Variants in NASP observed in about 807,000 individuals in gnomAD.
The protein encoded by NASP is NASP histone chaperone.
In NASP, 24 loss-of-function variants were observed where a neutral mutation model predicts 89.5. The observed-to-expected ratio is 0.27, with a 90% confidence interval of 0.19 to 0.38. NASP has a LOEUF of 0.38. Ranked by LOEUF, NASP falls within the 10% of genes least tolerant of loss-of-function variation. NASP has a pLI of 1.00. For synonymous variants in NASP, 306 were observed against 324.7 expected, an observed-to-expected ratio of 0.94 and a Z score of 0.62; for missense variants, 848 against 921.4, an observed-to-expected ratio of 0.92 and a Z score of 1.03.
intron 3 of NASP, among the ~76,000 whole-genome samples, chr1:45,604,044 C>G (rs906326921): frequency 1.1e-4 from 16 of 152,116 alleles, no homozygotes; most frequent in Non-Finnish European, 1.8e-4. Context: ...TTCCCACTTT[C>G]CTGCCATTAA....
rs912606549 is a variant in NASP, at chr1:45,608,341, A to G, written c.1426+4A>G. The G allele has an allele frequency of 1.7e-5, 27 of 1,598,418 alleles. No individual in the cohort carries two copies. The highest frequency in any genetic ancestry group is 2.3e-5 in the Non-Finnish European group (27 of 1,171,998). On this transcript the variant is annotated splice_donor_region_variant and intron_variant, in intron 6 of 14. Transcript: ENST00000350030. ...GAACAGATGAAAGAGGGTGAAGGTA[A>G]CCGGGATATGCAAGAGCTGCAGTGG...
At position 45,584,142 on chromosome 1, in the gene NASP, G is replaced by T. The variant is rs749304746; in HGVS notation, c.-5G>T. 2 of 1,592,080 alleles carry T rather than the reference G, an allele frequency of 1.3e-6. No individual in the cohort carries two copies. The highest frequency in any genetic ancestry group is 1.3e-5 in the African/African-American group (1 of 74,754). The stretch of plus-strand genomic sequence containing the variant: ...CGTTCGCTGGTTCGCCACCTCAGGG[G>T]AACGATGGCCATGGAGTCCACAGCC... On this transcript the variant is annotated 5_prime_UTR_variant, in exon 1 of 15. Coordinates refer to ENST00000350030, the MANE Select transcript of NASP (RefSeq NM_002482.4).
chr1:45,593,615 A>G (rs1172148843), intron 2 of NASP, among the ~76,000 whole-genome samples: 1 of 151,212 alleles, frequency 6.6e-6, no homozygotes, highest in African/African-American at 2.4e-5. Flanking sequence ...CTTCAGCTTC[A>G]AAGAACATGT....
At chr1:45,590,210 C>T (rs1283409107) in intron 1 of NASP, among the ~76,000 whole-genome samples, 1 of 152,088 alleles carries the variant, frequency 6.6e-6, no homozygotes, top group Non-Finnish European at 1.5e-5. Flanking sequence ...TTAGTTCACC[C>T]TCTTTTCTAT....
At chr1:45,611,939 C>CA (rs2148367555) in intron 6 of NASP, 1 of 147,626 alleles carries the variant, frequency 6.8e-6, no homozygotes, top group East Asian at 2.0e-4. Context: ...CCGCTCACTG[C>CA]AAGCTCCACC....
chr1:45,599,330 C>T (rs1643777717), intron 2 of NASP, among the ~76,000 whole-genome samples: 2 of 152,174 alleles, frequency 1.3e-5, no homozygotes, highest in Non-Finnish European at 2.9e-5. Flanking sequence ...TAGTCTCTAA[C>T]TCCTGGGCTC....
chr1:45,587,486 T>C (rs1644569501), intron 1 of NASP, among the ~76,000 whole-genome samples: 1 of 151,842 alleles, frequency 6.6e-6, no homozygotes. Context: ...CATTTACATA[T>C]CTCAACTGTG....
At chr1:45,587,837 T>C (rs931383397) in intron 1 of NASP, among the ~76,000 whole-genome samples, 1 of 150,578 alleles carries the variant, frequency 6.6e-6, no homozygotes, top group African/African-American at 2.4e-5. Context: ...TTACAAAAAT[T>C]AGCCGAGCAT....
rs372695468 is a variant in NASP, at chr1:45,592,983, T to C, written c.107+1713T>C. Among the ~76,000 whole-genome samples, 3 of 152,330 alleles carry C rather than the reference T, an allele frequency of 2.0e-5. No homozygotes were observed. In the East Asian group the frequency reaches 5.8e-4, roughly 29 times the overall value. ...AAACTGCCATGAAATAGCTCTCCTT[T>C]ATTATTATTTTCACATCACTCTAAT... On this transcript the variant is annotated intron_variant, in intron 2 of 14. Coordinates refer to ENST00000350030, the MANE Select transcript of NASP (RefSeq NM_002482.4).
At chr1:45,612,462 A>G (rs1445192514) in intron 6 of NASP, 1 of 152,228 alleles carries the variant, frequency 6.6e-6, no homozygotes, top group Non-Finnish European at 1.5e-5. Flanking sequence ...AGCGCTATTG[A>G]TTAGGAGCCT....
At chr1:45,595,319 TTTC>T in intron 2 of NASP, among the ~76,000 whole-genome samples, 1 of 152,278 alleles carries the variant, frequency 6.6e-6, no homozygotes, top group Admixed American at 6.5e-5. Context: ...TGATCAACTT[TTTC>T]TTTATATATT....
At chr1:45,589,964 A>G (rs553938807) in intron 1 of NASP, among the ~76,000 whole-genome samples, 6 of 152,260 alleles carry the variant, frequency 3.9e-5, no homozygotes, top group African/African-American at 1.4e-4. Flanking sequence ...TCCATTTATA[A>G]TTTTTATTCT....
chr1:45,606,425 GAAAAA>G (rs1475711311), intron 4 of NASP, 52 bp from the exon 5 acceptor site: 1 of 1,271,770 alleles, frequency 7.9e-7, no homozygotes, highest in Non-Finnish European at 1.1e-6. Context: ...TTCTGTCTTA[GAAAAA>G]ATTGCTAGGT....
intron 1 of NASP, among the ~76,000 whole-genome samples, chr1:45,590,226 T>C (rs946074859): frequency 6.6e-6 from 1 of 152,128 alleles, no homozygotes; most frequent in African/African-American, 2.4e-5. Flanking sequence ...TCTATTTGTC[T>C]AGGCTTGTGC....
At position 45,608,223 on chromosome 1, in the gene NASP, G is replaced by C; in HGVS notation, c.1312G>C (p.Gly438Arg). Residue 438 changes from glycine (G) to arginine (R), a missense_variant, in exon 6 of 15, where the codon GGG becomes CGG. Physicochemically the swap from Gly to Arg is moderately radical, Grantham distance 125. This residue lies in a region of NASP where 464 missense variants were observed against 469.4 expected (regional missense o/e 0.99). Coordinates refer to ENST00000350030, the MANE Select transcript of NASP (RefSeq NM_002482.4). ...SVEESEAAGD[G>R]VDTKVAQGAT... ...AGAAGAGTCTGAGGCAGCTGGAGAT[G>C]GGGTTGATACCAAGGTAGCCCAGGG... 6.2e-7 allele frequency: 1 copy of C among 1,614,186 alleles called. No individual in the cohort carries two copies. Among genetic ancestry groups the C allele is most frequent in the Non-Finnish European group, 8.5e-7 (1 of 1,180,014 alleles).
At chr1:45,611,335 A>G (rs1477306194) in intron 6 of NASP, 1 of 152,184 alleles carries the variant, frequency 6.6e-6, no homozygotes, top group East Asian at 1.9e-4. Flanking sequence ...TTTTACATCA[A>G]ATTTTTAAAT....
At chr1:45,606,945 C>G (rs1643917023) in intron 5 of NASP, among the ~76,000 whole-genome samples, 1 of 150,240 alleles carries the variant, frequency 6.7e-6, no homozygotes, top group Non-Finnish European at 1.5e-5. Flanking sequence ...ATTTTAATAG[C>G]AGTACTTTTA....
At chr1:45,617,037 G>A (rs1011971475) in intron 13 of NASP, among the ~76,000 whole-genome samples, 2 of 152,262 alleles carry the variant, frequency 1.3e-5, no homozygotes, top group Non-Finnish European at 2.9e-5. Context: ...TAGAGACTGG[G>A]TTTTGCCATA....
chr1:45,587,032 G>T (rs2148324950), intron 1 of NASP, among the ~76,000 whole-genome samples: 1 of 152,256 alleles, frequency 6.6e-6, no homozygotes, highest in Admixed American at 6.5e-5. Flanking sequence ...CATTGCTTCA[G>T]TAGTGATATT....
Sources: gnomAD v4.1 joint callset for allele counts (sites outside exome capture counted in the v4.1 genomes callset) on GRCh38, gnomAD v4.1.1 for gene constraint, gnomAD v4.1.1 regional missense constraint, MANE v1.5 for transcripts, NCBI Gene and HGNC (gene_info 2026-07-23, HGNC 2026-07-21) for gene names.